The following TCERG1L variants were observed in gnomAD, a reference collection of about 807,000 sequenced individuals.
The protein encoded by TCERG1L is transcription elongation regulator 1-like protein.
Under a neutral mutation model 56.3 loss-of-function variants are expected in TCERG1L, and 37 were observed. The ratio of observed to expected loss-of-function variants is 0.66; its 90% CI spans 0.51 to 0.87. The LOEUF is 0.87. TCERG1L is among the 40% of genes least tolerant of loss of function. The probability of loss-of-function intolerance (pLI) is 0.00; values close to 1 mark genes in which losing one functional copy is unlikely to be tolerated. For missense variants in TCERG1L, 799 were observed against 774.2 expected (o/e 1.03, Z -0.38); for synonymous variants, 324 against 326.3 (o/e 0.99, Z 0.08).
At chr10:131,208,647 C>T (rs1392793092) in intron 4 of TCERG1L, among the ~76,000 whole-genome samples, 2 of 152,322 alleles carry the variant, frequency 1.3e-5, no homozygotes, top group Admixed American at 6.5e-5. Context: ...AGGTTGAGCG[C>T]TTCTAACCTG....
chr10:131,165,075 G>C (rs1344872089), intron 5 of TCERG1L, among the ~76,000 whole-genome samples: 1 of 152,220 alleles, frequency 6.6e-6, no homozygotes, highest in Non-Finnish European at 1.5e-5. Flanking sequence ...AGAATCTCGC[G>C]TGTCTGTAAG....
At position 131,112,974 on chromosome 10, in the gene TCERG1L, GTGAGTCCAGGTGGCCCC is replaced by G. The variant is rs1412431391; in HGVS notation, c.1395+3808_1395+3824del. ...AGTGGCCAGCACAGGCAGAGTTCCCGTGAGTCCAGGTGGCCCCGGGTGGACCCGGGTAACTGTGGGTG... is the reference window on the plus strand; with the variant it reads ...AGTGGCCAGCACAGGCAGAGTTCCCGGGGTGGACCCGGGTAACTGTGGGTG... On this transcript the variant is annotated intron_variant, in intron 9 of 11. Transcript: ENST00000368642. 1.4e-5 allele frequency among the ~76,000 whole-genome samples: 2 copies of G among 142,164 alleles called. 1 individual carries two copies. The highest frequency in any genetic ancestry group is 3.2e-5 in the Non-Finnish European group (2 of 63,136). The allele number at this position is 142,164 out of a possible 152,430, so 93.3% of individuals were successfully genotyped here.
intron 4 of TCERG1L, among the ~76,000 whole-genome samples, chr10:131,180,005 C>T (rs1442960577): frequency 6.6e-6 from 1 of 152,182 alleles, no homozygotes; most frequent in Non-Finnish European, 1.5e-5. Context: ...CATTGCCCTG[C>T]TCTGAGCATG....
intron 3 of TCERG1L, among the ~76,000 whole-genome samples, chr10:131,281,420 C>A (rs1846451948): frequency 6.6e-6 from 1 of 151,910 alleles, no homozygotes; most frequent in South Asian, 2.1e-4. Flanking sequence ...AAAAAAAAAT[C>A]CATTGCAGTA....
intron 3 of TCERG1L, among the ~76,000 whole-genome samples, chr10:131,285,526 G>GAGAA (rs1846525583): frequency 4.4e-5 from 1 of 22,540 alleles, no homozygotes; most frequent in African/African-American, 1.4e-4. Context: ...GAAAGAAAGA[G>GAGAA]AGAAAGAAAA....
intron 4 of TCERG1L, among the ~76,000 whole-genome samples, chr10:131,212,207 T>C (rs1485713942): frequency 1.3e-5 from 2 of 152,164 alleles, no homozygotes; most frequent in Non-Finnish European, 2.9e-5. Flanking sequence ...CCATCTCAAC[T>C]CAGACTCAGA....
chr10:131,221,769 G>A (rs747431048), intron 4 of TCERG1L, among the ~76,000 whole-genome samples: 5 of 152,178 alleles, frequency 3.3e-5, no homozygotes, highest in Non-Finnish European at 5.9e-5. Flanking sequence ...AGGGCAGCCC[G>A]GTCTGCTTTT....
chr10:131,270,516 T>G (rs1846329377), intron 3 of TCERG1L, among the ~76,000 whole-genome samples: 1 of 152,210 alleles, frequency 6.6e-6, no homozygotes, highest in African/African-American at 2.4e-5. Context: ...ATCAATATTT[T>G]AAGCAAAACA....
intron 4 of TCERG1L, among the ~76,000 whole-genome samples, chr10:131,219,114 C>G (rs1040853106): frequency 6.6e-6 from 1 of 152,154 alleles, no homozygotes; most frequent in South Asian, 2.1e-4. Flanking sequence ...CCTGGCTCTG[C>G]CTGCAGGCTC....
At chr10:131,128,278 C>T (rs983008254) in intron 8 of TCERG1L, among the ~76,000 whole-genome samples, 2 of 152,134 alleles carry the variant, frequency 1.3e-5, no homozygotes, top group African/African-American at 2.4e-5. Context: ...GAAGCGTCAA[C>T]AGCGTGCAAA....
At chr10:131,261,018 G>A (rs1461455719) in intron 3 of TCERG1L, among the ~76,000 whole-genome samples, 1 of 152,036 alleles carries the variant, frequency 6.6e-6, no homozygotes, top group African/African-American at 2.4e-5. Flanking sequence ...GTTTCCAGAG[G>A]GCACCAGGCT....
Position 131,098,378 on chromosome 10 carries a change from T to A in TCERG1L, c.1532A>T (p.Glu511Val), listed in dbSNP as rs750926466. The A allele has an allele frequency of 6.4e-7, 1 of 1,551,700 alleles. No homozygotes were observed. The highest frequency in any genetic ancestry group is 1.2e-5 in the South Asian group (1 of 84,072). ...VKTRIKEEYK[E>V]KKSKLLLAKE... The stretch of plus-strand genomic sequence containing the variant: ...GGCTAGCAGCAATTTACTTTTCTTT[T>A]CCTTGTATTCTTCTTTTATTCTTGT... The change falls in exon 11 of 12, where the codon GAA becomes GTA. Residue 511 changes from glutamate to valine, a missense_variant. Coordinates refer to ENST00000368642, the MANE Select transcript of TCERG1L (RefSeq NM_174937.4).
In TCERG1L at chr10:131,146,596, A is replaced by C; in HGVS notation, c.1099T>G (p.Trp367Gly). 6.2e-7 allele frequency: 1 copy of C among 1,613,960 alleles called. No individual in the cohort carries two copies. Among genetic ancestry groups the C allele is most frequent in the Non-Finnish European group, 8.5e-7 (1 of 1,179,862 alleles). Residue 367 changes from tryptophan (W) to glycine (G), a missense_variant, in exon 7 of 12, where the codon TGG becomes GGG. Physicochemically the swap from Trp to Gly is radical, Grantham distance 184. Coordinates refer to ENST00000368642, the MANE Select transcript of TCERG1L (RefSeq NM_174937.4). The part of the protein sequence containing the change: ...FFNPTMHLSV[W>G]EKPMDLKDRG... ...TCCTTCAGGTCCATGGGCTTCTCCCAGACAGACAGGTGCATCGTTGGGTTG... is the reference window on the plus strand; with the variant it reads ...TCCTTCAGGTCCATGGGCTTCTCCCCGACAGACAGGTGCATCGTTGGGTTG...
At chr10:131,220,619 A>G (rs138919785) in intron 4 of TCERG1L, among the ~76,000 whole-genome samples, 1 of 152,236 alleles carries the variant, frequency 6.6e-6, no homozygotes, top group African/African-American at 2.4e-5. Context: ...GCTCCTGCAG[A>G]GCTCTCAGAG....
intron 8 of TCERG1L, among the ~76,000 whole-genome samples, chr10:131,132,930 G>C (rs1182925405): frequency 6.6e-6 from 1 of 152,216 alleles, no homozygotes; most frequent in Non-Finnish European, 1.5e-5. Flanking sequence ...AGGCTTCCAC[G>C]TGCTGTGGGG....
At chr10:131,161,612 G>A (rs1355712776) in intron 6 of TCERG1L, 1 of 152,172 alleles carries the variant, frequency 6.6e-6, no homozygotes, top group African/African-American at 2.4e-5. Flanking sequence ...CTGGTCTCCA[G>A]AGACACCAAC....
At position 131,103,365 on chromosome 10, in the gene TCERG1L, GGT is replaced by G. The variant is rs1845321868; in HGVS notation, c.1485+898_1485+899del. On this transcript the variant is annotated intron_variant, in intron 10 of 11. Coordinates refer to ENST00000368642, the MANE Select transcript of TCERG1L (RefSeq NM_174937.4). The surrounding 1 kb of genome is among the most constrained non-coding windows in gnomAD (Gnocchi z 4.3). The stretch of plus-strand genomic sequence containing the variant: ...AGGAGGGACAGGCAGTTGTTGGGCA[GGT>G]GTCCTTGCAGAAGTGCTTTTTGTGT... 6.6e-6 allele frequency among the ~76,000 whole-genome samples: 1 copy of G among 152,196 alleles called. No homozygotes were observed.
Position 131,215,097 on chromosome 10 carries a change from C to T in TCERG1L, c.856+45162G>A, listed in dbSNP as rs563206180. Among the ~76,000 whole-genome samples the T allele has an allele frequency of 1.6e-4, 25 of 152,292 alleles. No individual in the cohort carries two copies. In the East Asian group the frequency reaches 2.1e-3, roughly 13 times the overall value. On this transcript the variant is annotated intron_variant, in intron 4 of 11. Transcript: ENST00000368642. ...CCACGCTTGTACTTCCTCGCTGTGA[C>T]GCACTCATACTCTGATACTTTCTAC...
chr10:131,108,675 G>A (rs975339945), intron 9 of TCERG1L, among the ~76,000 whole-genome samples: 20 of 152,318 alleles, frequency 1.3e-4, no homozygotes, highest in Admixed American at 1.1e-3. Context: ...CACTCCCTGG[G>A]CTGTGTGGGT....
Sources: allele counts gnomAD v4.1 joint callset (sites outside exome capture counted in the v4.1 genomes callset), GRCh38; gene constraint gnomAD v4.1.1; non-coding constraint Gnocchi (gnomAD v3.1); transcripts MANE v1.5; gene names NCBI Gene and HGNC (gene_info 2026-07-23, HGNC 2026-07-21).